SYT2: variants seen among roughly 807,000 people sequenced by gnomAD.
SYT2 encodes synaptotagmin 2.
SYT2 carries 15 observed loss-of-function variants against 39.9 expected under a neutral mutation model. That is an observed-to-expected ratio of 0.38 (90% CI 0.25 to 0.58). The LOEUF is 0.58. SYT2 is among the 20% of genes least tolerant of loss of function. The pLI, the probability that SYT2 is intolerant of heterozygous loss-of-function variation, is 0.70. For synonymous variants in SYT2, 181 were observed against 204.5 expected (o/e 0.89, Z 0.98); for missense variants, 389 against 530.3 (o/e 0.73, Z 2.62).
intron 1 of SYT2, among the ~76,000 whole-genome samples, chr1:202,658,021 G>A (rs947037206): frequency 3.3e-5 from 5 of 152,138 alleles, no homozygotes; most frequent in Admixed American, 2.0e-4. Context: ...CTGGGCCCAC[G>A]CTGTAGGATC....
chr1:202,688,394 C>G (rs1653729790), intron 1 of SYT2, among the ~76,000 whole-genome samples: 1 of 152,350 alleles, frequency 6.6e-6, no homozygotes, highest in South Asian at 2.1e-4. Flanking sequence ...AGTCGAGGGT[C>G]TGGAACAGGC....
At chr1:202,665,168 G>A (rs867566569) in intron 1 of SYT2, among the ~76,000 whole-genome samples, 59 of 152,150 alleles carry the variant, frequency 3.9e-4, no homozygotes, top group African/African-American at 1.4e-3. Flanking sequence ...AGAGGGTAAT[G>A]AACTGGTCCC....
Position 202,601,942 on chromosome 1 carries a change from A to C in SYT2, c.749T>G (p.Leu250Arg). The change falls in exon 6 of 9, where the codon CTC (leucine) becomes CGC (arginine). Residue 250 changes from leucine to arginine, a missense_variant. Leu to Arg is a moderately radical substitution (Grantham distance 102). Coordinates refer to ENST00000367268, the MANE Select transcript of SYT2 (RefSeq NM_177402.5). This position sits in a 1 kb window ranked among gnomAD's most constrained non-coding sequence, Gnocchi z 4.0. ...TCTCCACTCCTCAATGGGCTGGCCG[A>C]GGTCCACTGTGTTCATAGGCACCTT... The part of the protein sequence containing the change: ...EVKVPMNTVD[L>R]GQPIEEWRDL... 1 of 1,614,082 alleles carries C rather than the reference A, an allele frequency of 6.2e-7. No homozygotes were observed. The highest frequency in any genetic ancestry group is 8.5e-7 in the Non-Finnish European group (1 of 1,180,010).
At chr1:202,657,697 G>C (rs1186979344) in intron 1 of SYT2, among the ~76,000 whole-genome samples, 1 of 151,958 alleles carries the variant, frequency 6.6e-6, no homozygotes, top group East Asian at 1.9e-4. Flanking sequence ...TCTGGGTCCA[G>C]AAACTGAGTG....
chr1:202,669,345 C>T (rs1261170299), intron 1 of SYT2, among the ~76,000 whole-genome samples: 1 of 151,544 alleles, frequency 6.6e-6, no homozygotes, highest in Non-Finnish European at 1.5e-5. Flanking sequence ...ATAGTGAGAC[C>T]TTGTCTGTAC....
chr1:202,657,838 C>T (rs985204581), intron 1 of SYT2, among the ~76,000 whole-genome samples: 1 of 150,066 alleles, frequency 6.7e-6, no homozygotes, highest in Non-Finnish European at 1.5e-5. Flanking sequence ...CTGCGGAGAG[C>T]TCAGGGTATG....
At chr1:202,630,758 A>C (rs561396164) in intron 1 of SYT2, among the ~76,000 whole-genome samples, 18 of 152,326 alleles carry the variant, frequency 1.2e-4, no homozygotes, top group African/African-American at 4.3e-4. Context: ...AGAGGCCTCA[A>C]GGTTTTCCCT....
At chr1:202,685,971 G>A (rs561370504) in intron 1 of SYT2, among the ~76,000 whole-genome samples, 1 of 152,058 alleles carries the variant, frequency 6.6e-6, no homozygotes, top group East Asian at 1.9e-4. Flanking sequence ...GAGTGCTCCT[G>A]CCAGGAAACC....
chr1:202,651,087 C>T (rs1049061283), intron 1 of SYT2, among the ~76,000 whole-genome samples: 1 of 151,934 alleles, frequency 6.6e-6, no homozygotes, highest in South Asian at 2.1e-4. Flanking sequence ...ACGGGCACAG[C>T]GGAAGGCTTG....
intron 1 of SYT2, among the ~76,000 whole-genome samples, chr1:202,686,770 C>G (rs1223222034): frequency 6.6e-6 from 1 of 152,204 alleles, no homozygotes; most frequent in Non-Finnish European, 1.5e-5. Flanking sequence ...GCCAAAGGCA[C>G]GCCCCTCTGC....
At chr1:202,647,023 C>T (rs12402799) in intron 1 of SYT2, among the ~76,000 whole-genome samples, 115,650 of 152,146 alleles carry the variant, frequency 0.76, 45,224 homozygotes, top group South Asian at 0.88. Flanking sequence ...TGGCCTCGAG[C>T]GTCAGCACAA....
chr1:202,639,859 A>C, intron 1 of SYT2: 1 of 983,060 alleles, frequency 1.0e-6, no homozygotes, highest in Non-Finnish European at 1.2e-6. Flanking sequence ...GCATGGTGAC[A>C]ACTGCAGGAC....
chr1:202,596,786 C>G lies in SYT2; in HGVS notation c.1231G>C (p.Val411Leu). 1.2e-6 allele frequency: 2 copies of G among 1,614,110 alleles called. No individual in the cohort carries two copies. The highest frequency in any genetic ancestry group is 2.2e-5 in the South Asian group (2 of 91,082). ...TTGTTCTTGCCCAGGAGTGCATCCA[C>G]CTCCTCCTCAGGCTTGAGCGAGTGC... The part of the protein sequence containing the change: ...QWHSLKPEEE[V>L]DALLGKNK The change falls in exon 9 of 9, where the codon GTG becomes CTG. Residue 411 changes from valine (V) to leucine (L), a missense_variant. Val to Leu is a conservative substitution (Grantham distance 32, BLOSUM62 1). Coordinates refer to ENST00000367268, the MANE Select transcript of SYT2 (RefSeq NM_177402.5).
intron 3 of SYT2, 102 bp downstream of exon 3, chr1:202,604,353 A>G (rs1235922988): frequency 8.6e-7 from 1 of 1,166,132 alleles, no homozygotes; most frequent in East Asian, 2.3e-5. Context: ...GGAGGGGAGC[A>G]GGTTTGGCTG....
chr1:202,652,225 T>C (rs1488918333), intron 1 of SYT2, among the ~76,000 whole-genome samples: 1 of 152,180 alleles, frequency 6.6e-6, no homozygotes, highest in Non-Finnish European at 1.5e-5. Flanking sequence ...CCCTTTGCCT[T>C]GGGTGAGTGG....
rs559727124 is a variant in SYT2 at position 202,629,401 on chromosome 1, G to A, written c.-17-23612C>T. On this transcript the variant is annotated intron_variant, in intron 1 of 8. Transcript: ENST00000367268. ...CAGCAGCCATGGCTTCTCCAACAGT[G>A]GCTGCTAAGTCTCTATTTTGGTTGC... Among the ~76,000 whole-genome samples the A allele has an allele frequency of 5.9e-5, 9 of 152,308 alleles. No homozygotes were observed. The South Asian group carries it at 1.9e-3, about 32-fold the overall frequency.
chr1:202,605,602 C>T lies in SYT2; in HGVS notation c.171G>A (p.Lys57=). ...GCCACCAGAGACACTCACAGGGAAT[C>T]TTGTTTATCTCATTGAATAACTTCT... is the stretch of plus-strand genomic sequence containing the variant. ...LKEKLFNEIN[K]IPLPPWALIA... is the part of the protein sequence containing the mutation. The change falls in exon 2 of 9, where the codon AAG becomes AAA. Residue 57 remains lysine, a synonymous_variant. Coordinates refer to ENST00000367268, the MANE Select transcript of SYT2 (RefSeq NM_177402.5). The T allele has an allele frequency of 6.2e-7, 1 of 1,613,778 alleles. No homozygotes were observed. The highest frequency in any genetic ancestry group is 1.7e-4 in the Middle Eastern group (1 of 6,054).
chr1:202,652,110 T>C (rs1692205720), intron 1 of SYT2, among the ~76,000 whole-genome samples: 2 of 152,220 alleles, frequency 1.3e-5, no homozygotes, highest in Non-Finnish European at 2.9e-5. Context: ...ATCATTCAAC[T>C]ATCTCTGGGA....
At chr1:202,680,912 C>A (rs750514564) in intron 1 of SYT2, among the ~76,000 whole-genome samples, 1 of 152,172 alleles carries the variant, frequency 6.6e-6, no homozygotes, top group Non-Finnish European at 1.5e-5. Context: ...GCTAAGCTGG[C>A]AGGTGATTTG....
Sources: gnomAD v4.1 joint callset for allele counts (sites outside exome capture counted in the v4.1 genomes callset) on GRCh38, gnomAD v4.1.1 for gene constraint, Gnocchi (gnomAD v3.1) non-coding constraint, MANE v1.5 for transcripts, NCBI Gene and HGNC (gene_info 2026-07-23, HGNC 2026-07-21) for gene names.